Variants in NDUFAF2 observed in about 807,000 individuals in gnomAD.
The protein encoded by NDUFAF2 is NADH dehydrogenase [ubiquinone] 1 alpha subcomplex assembly factor 2.
Under a neutral mutation model 22.8 loss-of-function variants are expected in NDUFAF2, and 13 were observed. The ratio of observed to expected loss-of-function variants is 0.57; its 90% CI spans 0.37 to 0.91. The LOEUF (loss-of-function observed/expected upper bound fraction) is 0.91, where lower values mean the gene tolerates loss of function less well. Ranked by LOEUF, NDUFAF2 falls within the 40% of genes least tolerant of loss-of-function variation. NDUFAF2 has a pLI of 0.01. For missense variants in NDUFAF2, 162 were observed against 195.2 expected, an observed-to-expected ratio of 0.83 and a Z score of 1.01; for synonymous variants, 53 against 64.2, an observed-to-expected ratio of 0.83 and a Z score of 0.84.
intron 1 of NDUFAF2, among the ~76,000 whole-genome samples, chr5:61,045,139 T>A (rs10039687): frequency 0.075 from 2,378 of 31,752 alleles, 88 homozygotes; most frequent in East Asian, 0.14. Flanking sequence ...TTTTATTAAA[T>A]TTTAATAAAA....
At chr5:61,145,363 G>A (rs551039900) in intron 3 of NDUFAF2, among the ~76,000 whole-genome samples, 6 of 152,170 alleles carry the variant, frequency 3.9e-5, no homozygotes, top group South Asian at 4.2e-4. Flanking sequence ...AGATCTTTTC[G>A]CTTTTTCTCT....
chr5:60,964,321 C>T lies in NDUFAF2; in HGVS notation c.127+18939C>T, dbSNP rs149399243. 5.5e-3 allele frequency among the ~76,000 whole-genome samples: 836 copies of T among 151,866 alleles called. 1 individual carries two copies. The highest frequency in any genetic ancestry group is 7.2e-3 in the Non-Finnish European group (491 of 67,976). On this transcript the variant is annotated intron_variant, in intron 1 of 3. Transcript: ENST00000296597. ...AGATGTATATATTTATGATGTATAG[C>T]ATAATGTTTTGATATATGTATATAT... is the stretch of plus-strand genomic sequence containing the variant.
intron 1 of NDUFAF2, among the ~76,000 whole-genome samples, chr5:60,962,367 T>C (rs943919851): frequency 3.3e-5 from 5 of 152,228 alleles, no homozygotes; most frequent in Non-Finnish European, 7.3e-5. Flanking sequence ...CTGTATTCAC[T>C]GTCCTTTAAA....
intron 3 of NDUFAF2, among the ~76,000 whole-genome samples, chr5:61,121,090 CT>C (rs1752970480): frequency 6.6e-6 from 1 of 151,982 alleles, no homozygotes; most frequent in Admixed American, 6.6e-5. Flanking sequence ...AGTTGATTGC[CT>C]CTGATCTTAT....
At chr5:60,960,910 TTC>T (rs759434467) in intron 1 of NDUFAF2, among the ~76,000 whole-genome samples, 14 of 152,154 alleles carry the variant, frequency 9.2e-5, no homozygotes, top group African/African-American at 2.4e-4. Context: ...GAAAATTATT[TTC>T]TGTTTTATTT....
rs560953672 is a variant in NDUFAF2, at chr5:61,125,973, T to C, written c.259-26731T>C. On this transcript the variant is annotated intron_variant, in intron 3 of 3. Coordinates refer to ENST00000296597, the MANE Select transcript of NDUFAF2 (RefSeq NM_174889.5). ...TCATATTGTTAGCATAGAAATTCAA[T>C]TATACAGAAAGAGAAATAATACAGT... Among the ~76,000 whole-genome samples the C allele has an allele frequency of 6.6e-5, 10 of 152,120 alleles. No individual in the cohort carries two copies. The East Asian group carries it at 1.7e-3, about 26-fold the overall frequency.
chr5:61,149,827 C>A (rs1351538672), intron 3 of NDUFAF2, among the ~76,000 whole-genome samples: 4 of 152,128 alleles, frequency 2.6e-5, no homozygotes, highest in Admixed American at 2.6e-4. Flanking sequence ...TGCAAATAGA[C>A]TTTCTTAAAA....
intron 1 of NDUFAF2, among the ~76,000 whole-genome samples, chr5:61,036,024 C>T (rs1013778841): frequency 1.3e-5 from 2 of 152,088 alleles, no homozygotes; most frequent in East Asian, 1.9e-4. Flanking sequence ...GTTTTTTAAT[C>T]GAGTAGATCT....
chr5:60,974,086 T>A (rs985352198), intron 1 of NDUFAF2, among the ~76,000 whole-genome samples: 1 of 152,178 alleles, frequency 6.6e-6, no homozygotes, highest in African/African-American at 2.4e-5. Flanking sequence ...CCAAAGGAGA[T>A]TAACATTTGA....
rs1337496037 is a variant in NDUFAF2, at chr5:60,945,299, T to C, written c.44T>C (p.Leu15Pro). 1 of 1,613,888 alleles carries C rather than the reference T, an allele frequency of 6.2e-7. No individual in the cohort carries two copies. Among genetic ancestry groups the C allele is most frequent in the Non-Finnish European group, 8.5e-7 (1 of 1,179,974 alleles). ...TTGTTCCGCGCCTTGTGGAGATCGC[T>C]GTCAAGGGAAGTGAAGGAGCACGTG... ...QDLFRALWRS[L>P]SREVKEHVGT... Residue 15 changes from leucine to proline, a missense_variant, in exon 1 of 4, where the codon CTG becomes CCG. By Grantham distance (98) the Leu-to-Pro change is moderately conservative. Transcript: ENST00000296597.
chr5:61,075,339 A>G (rs557996387), intron 2 of NDUFAF2, among the ~76,000 whole-genome samples: 28 of 149,628 alleles, frequency 1.9e-4, no homozygotes, highest in African/African-American at 5.9e-4. Flanking sequence ...AACTATGAGG[A>G]AAAAAAAAAC....
chr5:60,977,791 C>T (rs1344488642), intron 1 of NDUFAF2, among the ~76,000 whole-genome samples: 2 of 145,912 alleles, frequency 1.4e-5, no homozygotes, highest in African/African-American at 5.0e-5. Flanking sequence ...GAGCCAAGAT[C>T]GTGACACTGC....
intron 3 of NDUFAF2, among the ~76,000 whole-genome samples, chr5:61,104,990 G>T (rs1168893765): frequency 1.3e-5 from 2 of 151,966 alleles, no homozygotes; most frequent in East Asian, 1.9e-4. Flanking sequence ...TAGAAAAATT[G>T]CCAGGTGCTG....
chr5:60,977,602 G>C (rs938261253), intron 1 of NDUFAF2, among the ~76,000 whole-genome samples: 1 of 152,006 alleles, frequency 6.6e-6, no homozygotes, highest in Non-Finnish European at 1.5e-5. Flanking sequence ...TTGGAAGGCC[G>C]AGGTGAGCAG....
chr5:61,030,672 A>G (rs1751711545), intron 1 of NDUFAF2, among the ~76,000 whole-genome samples: 1 of 152,136 alleles, frequency 6.6e-6, no homozygotes, highest in Non-Finnish European at 1.5e-5. Flanking sequence ...CAATACATCT[A>G]AATTCACAAG....
chr5:61,013,372 A>G (rs1162030265), intron 1 of NDUFAF2, among the ~76,000 whole-genome samples: 1 of 152,090 alleles, frequency 6.6e-6, no homozygotes, highest in Non-Finnish European at 1.5e-5. Context: ...AAAGGTACAT[A>G]AAAAGAAATT....
At chr5:61,072,034 A>C (rs1752305914) in intron 1 of NDUFAF2, among the ~76,000 whole-genome samples, 1 of 152,204 alleles carries the variant, frequency 6.6e-6, no homozygotes, top group Non-Finnish European at 1.5e-5. Flanking sequence ...TTGACTTCTC[A>C]CCAACTTTTA....
chr5:61,150,593 A>G (rs1191426109), intron 3 of NDUFAF2, among the ~76,000 whole-genome samples: 3 of 152,160 alleles, frequency 2.0e-5, no homozygotes, highest in Admixed American at 6.5e-5. Context: ...GCATGTACCA[A>G]CTGTAAGACT....
At chr5:61,081,008 A>G (rs1172100345) in intron 2 of NDUFAF2, among the ~76,000 whole-genome samples, 1 of 152,150 alleles carries the variant, frequency 6.6e-6, no homozygotes, top group African/African-American at 2.4e-5. Context: ...TTTTACATTA[A>G]AGTCTATGAT....
Sources: allele counts gnomAD v4.1 joint callset (sites outside exome capture counted in the v4.1 genomes callset), GRCh38; gene constraint gnomAD v4.1.1; transcripts MANE v1.5; gene names NCBI Gene and HGNC (gene_info 2026-07-23, HGNC 2026-07-21).